MON2: variants seen among roughly 807,000 people sequenced by gnomAD.
MON2 encodes the protein MON2 regulator of endosome-to-Golgi trafficking.
A neutral mutation model predicts 208.6 loss-of-function variants in MON2; 84 were observed. The ratio of observed to expected loss-of-function variants is 0.40; its 90% CI spans 0.34 to 0.48. The LOEUF is 0.48. Among genes scored for constraint, MON2 ranks in the 20% least tolerant of loss-of-function variants. The probability of loss-of-function intolerance (pLI) is 0.59; values close to 1 mark genes in which losing one functional copy is unlikely to be tolerated. For missense variants in MON2, 1,611 were observed against 2,015.4 expected (o/e 0.80, Z 3.84); for synonymous variants, 660 against 694.0 (o/e 0.95, Z 0.77).
At chr12:62,494,957 T>G (rs931906301) in intron 3 of MON2, 59 bp from the exon 4 acceptor site, 11 of 1,291,264 alleles carry the variant, frequency 8.5e-6, no homozygotes, top group Non-Finnish European at 7.4e-6. Flanking sequence ...TTCTCTTATT[T>G]AGGGACATCA....
At position 62,549,705 on chromosome 12, in the gene MON2, T is replaced by C; in HGVS notation, c.2791T>C (p.Leu931=). 1 of 1,611,986 alleles carries C rather than the reference T, an allele frequency of 6.2e-7. No individual in the cohort carries two copies. The highest frequency in any genetic ancestry group is 1.1e-5 in the South Asian group (1 of 90,522). The change falls in exon 23 of 35, where the codon TTG becomes CTG. Residue 931 remains leucine (L), a synonymous_variant. Transcript: ENST00000393630. The part of the protein sequence containing the change: ...LIRTAFQCLQ[L]VVTDFLPTMP... ...ACGAACTGCATTCCAGTGTCTTCAG[T>C]TGGTTGTGACAGATTTTCTACCAAC...
At chr12:62,473,606 T>C (rs1326031480) in intron 1 of MON2, among the ~76,000 whole-genome samples, 1 of 152,184 alleles carries the variant, frequency 6.6e-6, no homozygotes, top group Non-Finnish European at 1.5e-5. Context: ...GGTCTTACTC[T>C]GTCACCCTGG....
At chr12:62,480,970 A>G (rs1404596446) in intron 1 of MON2, among the ~76,000 whole-genome samples, 1 of 152,252 alleles carries the variant, frequency 6.6e-6, no homozygotes, top group Non-Finnish European at 1.5e-5. Flanking sequence ...CCACTGCCTC[A>G]GTAAGAAATT....
At chr12:62,504,109 G>A (rs2070979669) in intron 7 of MON2, among the ~76,000 whole-genome samples, 1 of 152,026 alleles carries the variant, frequency 6.6e-6, no homozygotes, top group Admixed American at 6.6e-5. Flanking sequence ...CTGGCATATG[G>A]CAGGTGTTTG....
intron 24 of MON2, among the ~76,000 whole-genome samples, chr12:62,554,519 G>A (rs938632895): frequency 1.2e-4 from 19 of 152,092 alleles, no homozygotes; most frequent in African/African-American, 4.6e-4. Flanking sequence ...GTGAAAGATA[G>A]GGTCTTGCTC....
rs184819889 is a variant in MON2 at position 62,505,433 on chromosome 12, G to A, written c.790-2853G>A. Among the ~76,000 whole-genome samples, 246 of 152,284 alleles carry A rather than the reference G, an allele frequency of 1.6e-3. 1 individual carries two copies. The highest frequency in any genetic ancestry group is 5.8e-3 in the African/African-American group (240 of 41,554). ...GGGCATGGTACTCTGGAACTCTGAG[G>A]AAGCTCAACATTAAACAGTTGAAGA... On this transcript the variant is annotated intron_variant, in intron 7 of 34. Transcript: ENST00000393630.
chr12:62,490,479 C>G (rs1451591256), intron 2 of MON2, among the ~76,000 whole-genome samples: 1 of 150,592 alleles, frequency 6.6e-6, no homozygotes. Context: ...CTATCATTAA[C>G]TAACATATTA....
intron 8 of MON2, among the ~76,000 whole-genome samples, chr12:62,519,157 A>T (rs765033865): frequency 1.3e-5 from 2 of 152,214 alleles, no homozygotes; most frequent in Admixed American, 1.3e-4. Flanking sequence ...GGGTGCTACC[A>T]TTCAAAACAC....
At chr12:62,511,677 G>A (rs1268784533) in intron 8 of MON2, among the ~76,000 whole-genome samples, 1 of 152,224 alleles carries the variant, frequency 6.6e-6, no homozygotes, top group East Asian at 1.9e-4. Flanking sequence ...AAACATAGGG[G>A]AAAATCTTTA....
At chr12:62,488,381 T>G (rs1435440182) in intron 2 of MON2, among the ~76,000 whole-genome samples, 1 of 152,138 alleles carries the variant, frequency 6.6e-6, no homozygotes, top group Non-Finnish European at 1.5e-5. Flanking sequence ...AGGGGACTTC[T>G]TAAATACATG....
chr12:62,511,946 A>C (rs1243086079), intron 8 of MON2, among the ~76,000 whole-genome samples: 1 of 152,178 alleles, frequency 6.6e-6, no homozygotes, highest in African/African-American at 2.4e-5. Flanking sequence ...GGTGAAAGGC[A>C]CATCTCACAT....
At chr12:62,491,265 C>T (rs1309771943) in intron 2 of MON2, among the ~76,000 whole-genome samples, 1 of 152,070 alleles carries the variant, frequency 6.6e-6, no homozygotes, top group African/African-American at 2.4e-5. Context: ...ATCTCAGAGA[C>T]AATAGTGAAG....
chr12:62,578,715 C>T lies in MON2; in HGVS notation c.4575+210C>T, dbSNP rs369970781. 3.3e-5 allele frequency among the ~76,000 whole-genome samples: 5 copies of T among 152,038 alleles called. No homozygotes were observed. The East Asian group carries it at 9.6e-4, about 29-fold the overall frequency. On this transcript the variant is annotated intron_variant, in intron 31 of 34. Coordinates refer to ENST00000393630, the MANE Select transcript of MON2 (RefSeq NM_015026.3). ...ATTTGTTACAGTCTTGTGCTTTGTG[C>T]GTGTTGTCCCAATACTTAGTTGTGT...
intron 25 of MON2, among the ~76,000 whole-genome samples, chr12:62,558,767 G>A (rs1479787538): frequency 2.0e-5 from 3 of 147,758 alleles, no homozygotes; most frequent in South Asian, 2.1e-4. Flanking sequence ...GTGTGATCTC[G>A]GCTCACTGAA....
At chr12:62,576,422 T>G (rs2074787148) in intron 30 of MON2, among the ~76,000 whole-genome samples, 1 of 152,056 alleles carries the variant, frequency 6.6e-6, no homozygotes, top group South Asian at 2.1e-4. Flanking sequence ...ATGAATATAC[T>G]AAGGAACACT....
intron 1 of MON2, among the ~76,000 whole-genome samples, chr12:62,474,774 C>T (rs1165559034): frequency 6.6e-6 from 1 of 152,164 alleles, no homozygotes; most frequent in South Asian, 2.1e-4. Context: ...ACGTCATTTT[C>T]CCCCTATTTC....
intron 34 of MON2, among the ~76,000 whole-genome samples, chr12:62,590,195 A>G (rs1464063819): frequency 6.6e-6 from 1 of 151,972 alleles, no homozygotes; most frequent in Non-Finnish European, 1.5e-5. Context: ...GGCTCAAGCG[A>G]TCCTCCCGTC....
intron 7 of MON2, among the ~76,000 whole-genome samples, chr12:62,502,981 C>T (rs530211615): frequency 1.2e-4 from 18 of 152,174 alleles, no homozygotes; most frequent in African/African-American, 3.9e-4. Context: ...ATGCTTTTGG[C>T]GAGCAGTATA....
intron 1 of MON2, among the ~76,000 whole-genome samples, chr12:62,469,901 T>C (rs2068704792): frequency 3.2e-5 from 1 of 31,446 alleles, no homozygotes; most frequent in Admixed American, 2.3e-4. Context: ...TTTATTTATT[T>C]ATTTATTTAT....
Sources: gnomAD v4.1 joint callset for allele counts (sites outside exome capture counted in the v4.1 genomes callset) on GRCh38, gnomAD v4.1.1 for gene constraint, MANE v1.5 for transcripts, NCBI Gene and HGNC (gene_info 2026-07-23, HGNC 2026-07-21) for gene names.